Variants in COMMD10 observed in about 807,000 individuals in gnomAD.
COMMD10 encodes the protein COMM domain containing 10.
In COMMD10, 33 loss-of-function variants were observed where a neutral mutation model predicts 28.9. The observed-to-expected ratio is 1.14, with a 90% CI of 0.87 to 1.53. The LOEUF (loss-of-function observed/expected upper bound fraction) is 1.53. Among genes scored for constraint, COMMD10 ranks in the 40% most tolerant of loss-of-function variants. The probability of loss-of-function intolerance (pLI) is 0.00; values close to 1 mark genes in which losing one functional copy is unlikely to be tolerated. For synonymous variants in COMMD10, 110 were observed against 81.7 expected (o/e 1.35, Z -1.87); for missense variants, 310 against 233.4 (o/e 1.33, Z -2.14).
chr5:116,173,624 C>G (rs1753407245), intron 5 of COMMD10, among the ~76,000 whole-genome samples: 1 of 152,200 alleles, frequency 6.6e-6, no homozygotes, highest in East Asian at 1.9e-4. Context: ...ATTTTTACCT[C>G]TTCAGCTATG....
chr5:116,183,731 A>C (rs1044109774), intron 5 of COMMD10, among the ~76,000 whole-genome samples: 1 of 152,078 alleles, frequency 6.6e-6, no homozygotes, highest in African/African-American at 2.4e-5. Context: ...TATAAATATA[A>C]ATTTTACATT....
At chr5:116,163,872 G>C (rs1213323778) in intron 5 of COMMD10, among the ~76,000 whole-genome samples, 1 of 152,090 alleles carries the variant, frequency 6.6e-6, no homozygotes, top group African/African-American at 2.4e-5. Context: ...GTTTCCATTT[G>C]TGTGAAATTT....
At chr5:116,229,173 C>G (rs1749468881) in intron 5 of COMMD10, among the ~76,000 whole-genome samples, 1 of 151,846 alleles carries the variant, frequency 6.6e-6, no homozygotes, top group African/African-American at 2.4e-5. Flanking sequence ...TAATCCTACT[C>G]ATAGAATGAA....
chr5:116,167,835 C>T (rs1753183026), intron 5 of COMMD10, among the ~76,000 whole-genome samples: 1 of 152,016 alleles, frequency 6.6e-6, no homozygotes, highest in African/African-American at 2.4e-5. Context: ...GAAGGAAACA[C>T]TAAATATGGA....
intron 5 of COMMD10, among the ~76,000 whole-genome samples, chr5:116,203,073 A>G (rs1748712815): frequency 6.6e-6 from 1 of 152,064 alleles, no homozygotes. Flanking sequence ...ATAAGGTGTA[A>G]GGAAGGGATC....
chr5:116,204,919 G>A lies in COMMD10; in HGVS notation c.510+70741G>A, dbSNP rs149042405. On this transcript the variant is annotated intron_variant, in intron 5 of 6. Coordinates refer to ENST00000274458, the MANE Select transcript of COMMD10 (RefSeq NM_016144.4). ...TGTTTTACTGGAAGAGTATCTAAAG[G>A]ATATAGTCTGATCACTCTCTACCTC... Among the ~76,000 whole-genome samples, 646 of 152,194 alleles carry A rather than the reference G, an allele frequency of 4.2e-3. 9 individuals are homozygous for A. Among genetic ancestry groups the A allele is most frequent in the African/African-American group, 0.015 (622 of 41,524 alleles).
At chr5:116,226,035 T>C (rs1580563613) in intron 5 of COMMD10, among the ~76,000 whole-genome samples, 1 of 152,254 alleles carries the variant, frequency 6.6e-6, no homozygotes. Flanking sequence ...TGCCATTTTT[T>C]TCTTCTCCTT....
chr5:116,269,506 G>T (rs1750699100), intron 5 of COMMD10, among the ~76,000 whole-genome samples: 1 of 151,666 alleles, frequency 6.6e-6, no homozygotes, highest in Non-Finnish European at 1.5e-5. Context: ...GTTCAAGTTA[G>T]AAAAATTGGA....
rs987445228 is a variant in COMMD10, at chr5:116,134,261, G to A, written c.510+83G>A. On this transcript the variant is annotated intron_variant, in intron 5 of 6. Transcript: ENST00000274458. ...TATTCTTAGCAGTCTTTGCTCTCTG[G>A]ATTTAGAATTTAAACATAATTCAGT... 35 of 732,126 alleles carry A rather than the reference G, an allele frequency of 4.8e-5. No homozygotes were observed. In the Admixed American group the frequency reaches 8.2e-4, roughly 17 times the overall value. 45.4% of individuals were successfully genotyped at this position (732,126 alleles called of 1,614,324 possible).
intron 5 of COMMD10, among the ~76,000 whole-genome samples, chr5:116,152,327 G>A (rs1752555298): frequency 6.6e-6 from 1 of 152,014 alleles, no homozygotes; most frequent in African/African-American, 2.4e-5. Flanking sequence ...TCTATTGTAG[G>A]CTACTTGAAC....
intron 5 of COMMD10, among the ~76,000 whole-genome samples, chr5:116,185,319 C>T (rs1400055657): frequency 6.6e-6 from 1 of 152,006 alleles, no homozygotes; most frequent in African/African-American, 2.4e-5. Context: ...AGGACAAAGG[C>T]AAGGGGCATT....
chr5:116,225,354 A>ATTT (rs3073081), intron 5 of COMMD10, among the ~76,000 whole-genome samples: 4,726 of 132,248 alleles, frequency 0.036, 191 homozygotes, highest in East Asian at 0.14. Context: ...TTTTTTGGGG[A>ATTT]TTTTTTTTTT....
intron 5 of COMMD10, among the ~76,000 whole-genome samples, chr5:116,274,363 C>G (rs1312529821): frequency 2.0e-5 from 3 of 151,946 alleles, no homozygotes; most frequent in Middle Eastern, 3.4e-3. Flanking sequence ...GACTATACAG[C>G]TCTGCTGTTA....
chr5:116,257,210 C>T (rs932006607), intron 5 of COMMD10, among the ~76,000 whole-genome samples: 14 of 147,578 alleles, frequency 9.5e-5, no homozygotes, highest in Admixed American at 2.0e-4. Flanking sequence ...AGGCCACTTA[C>T]GGAATTTTCT....
intron 5 of COMMD10, among the ~76,000 whole-genome samples, chr5:116,136,609 A>G (rs1280096816): frequency 6.6e-6 from 1 of 152,184 alleles, no homozygotes; most frequent in Non-Finnish European, 1.5e-5. Flanking sequence ...GTAGGAATAA[A>G]AGAGTAATGC....
At chr5:116,178,095 C>G (rs1382038496) in intron 5 of COMMD10, among the ~76,000 whole-genome samples, 1 of 152,008 alleles carries the variant, frequency 6.6e-6, no homozygotes, top group East Asian at 1.9e-4. Flanking sequence ...CTTCATTTTC[C>G]TAATGTTTAG....
At chr5:116,239,946 C>T (rs1227932668) in intron 5 of COMMD10, among the ~76,000 whole-genome samples, 1 of 152,090 alleles carries the variant, frequency 6.6e-6, no homozygotes, top group Non-Finnish European at 1.5e-5. Flanking sequence ...CACTCCCCCC[C>T]AAGGAGAGTA....
intron 5 of COMMD10, among the ~76,000 whole-genome samples, chr5:116,253,887 T>G (rs1429914227): frequency 6.6e-6 from 1 of 151,084 alleles, no homozygotes; most frequent in African/African-American, 2.5e-5. Flanking sequence ...AGTTCCTCCT[T>G]GTACCTCTGG....
At chr5:116,150,369 A>G (rs1252859993) in intron 5 of COMMD10, among the ~76,000 whole-genome samples, 2 of 152,150 alleles carry the variant, frequency 1.3e-5, no homozygotes, top group Non-Finnish European at 2.9e-5. Context: ...TGAACTTTAA[A>G]GTAGTTTTTT....
Sources: gnomAD v4.1 joint callset for allele counts (sites outside exome capture counted in the v4.1 genomes callset) on GRCh38, gnomAD v4.1.1 for gene constraint, MANE v1.5 for transcripts, NCBI Gene and HGNC (gene_info 2026-07-23, HGNC 2026-07-21) for gene names.